Variants in GAPVD1 observed in about 807,000 individuals in gnomAD.
GAPVD1 encodes GTPase activating protein and VPS9 domains 1, also known as GTPase-activating protein and VPS9 domain-containing protein 1.
A neutral mutation model predicts 155.5 loss-of-function variants in GAPVD1; 35 were observed. The observed-to-expected ratio is 0.23, with a 90% CI of 0.17 to 0.30. GAPVD1 has a LOEUF of 0.30. GAPVD1 is among the 10% of genes least tolerant of loss of function. The probability of loss-of-function intolerance (pLI) is 1.00; values close to 1 mark genes in which losing one functional copy is unlikely to be tolerated. For missense variants in GAPVD1, 1,429 were observed against 1,775.7 expected (o/e 0.80, Z 3.51); for synonymous variants, 636 against 619.7 (o/e 1.03, Z -0.39).
At chr9:125,307,965 T>C (rs1251133442) in intron 8 of GAPVD1, 85 bp downstream of exon 8, 12 of 922,454 alleles carry the variant, frequency 1.3e-5, no homozygotes, top group African/African-American at 8.2e-5. Context: ...TTGGAACATA[T>C]GTTTAAGTAC....
intron 6 of GAPVD1, 145 bp from the exon 7 acceptor site, chr9:125,307,268 C>CA (rs34896429): frequency 0.18 from 79,109 of 449,148 alleles, 583 homozygotes; most frequent in Non-Finnish European, 0.18. Flanking sequence ...AACTTTGTCT[C>CA]AAAAAAAAAA....
intron 24 of GAPVD1, among the ~76,000 whole-genome samples, 155 bp from the exon 25 acceptor site, chr9:125,355,485 CTACA>C (rs1849937794): frequency 6.6e-6 from 1 of 152,154 alleles, no homozygotes; most frequent in Admixed American, 6.5e-5. Context: ...AATTATATGG[CTACA>C]TATTGTCCTA....
chr9:125,302,861 A>C, intron 5 of GAPVD1, 35 bp downstream of exon 5: 1 of 1,547,762 alleles, frequency 6.5e-7, no homozygotes, highest in Non-Finnish European at 8.7e-7. Context: ...CGTGGCATTT[A>C]GTTTAAAATT....
chr9:125,355,528 T>C, intron 24 of GAPVD1, 116 bp from the exon 25 acceptor site: 4 of 662,262 alleles, frequency 6.0e-6, no homozygotes. Context: ...CACTTTTGGC[T>C]TTAAGATCAT....
In GAPVD1 at chr9:125,341,097, A is replaced by G. The variant is rs928016698; in HGVS notation, c.2878-80A>G. On this transcript the variant is annotated intron_variant, in intron 17 of 27. Transcript: ENST00000297933. Reference sequence around the variant, plus strand: ...GAGATCCTATCTCAAAACAAAACAAAAACAAACAAAAAGAAATCCTTTTCT... The same window carrying G: ...GAGATCCTATCTCAAAACAAAACAAGAACAAACAAAAAGAAATCCTTTTCT... The G allele has an allele frequency of 3.6e-6, 3 of 832,902 alleles. No homozygotes were observed. In the Admixed American group the frequency reaches 5.2e-5, roughly 15 times the overall value. 51.6% of individuals were successfully genotyped at this position (832,902 alleles called of 1,614,324 possible).
intron 9 of GAPVD1, among the ~76,000 whole-genome samples, chr9:125,312,845 A>G (rs1842847486): frequency 6.6e-6 from 1 of 151,854 alleles, no homozygotes; most frequent in South Asian, 2.1e-4. Context: ...TTTGAGATGG[A>G]GTGTCACTCT....
At chr9:125,315,388 A>G (rs1411700048) in intron 9 of GAPVD1, among the ~76,000 whole-genome samples, 1 of 152,258 alleles carries the variant, frequency 6.6e-6, no homozygotes, top group Non-Finnish European at 1.5e-5. Context: ...AATTTTGTTA[A>G]GAGAGCTCTG....
intron 12 of GAPVD1, among the ~76,000 whole-genome samples, chr9:125,328,203 TTTA>T (rs1473845851): frequency 6.7e-6 from 1 of 149,758 alleles, no homozygotes; most frequent in African/African-American, 2.5e-5. Flanking sequence ...TTTTTTTTTT[TTTA>T]AATTTATTTT....
chr9:125,330,049 T>A, intron 12 of GAPVD1, 29 bp from the exon 13 acceptor site: 2 of 1,560,992 alleles, frequency 1.3e-6, no homozygotes, highest in Non-Finnish European at 1.7e-6. Context: ...GGATCTTTGT[T>A]AACCCTTTGC....
At chr9:125,342,176 C>A in intron 18 of GAPVD1, 43 bp from the exon 19 acceptor site, 2 of 935,900 alleles carry the variant, frequency 2.1e-6, no homozygotes, top group South Asian at 1.3e-5. Flanking sequence ...CCGAGTAGTG[C>A]AGTATGTTAT....
intron 9 of GAPVD1, among the ~76,000 whole-genome samples, chr9:125,315,247 G>A (rs982717737): frequency 6.6e-6 from 1 of 152,108 alleles, no homozygotes; most frequent in Non-Finnish European, 1.5e-5. Context: ...AACAATCTTC[G>A]AAACTCCATC....
chr9:125,301,074 AT>A (rs201178663), intron 4 of GAPVD1, among the ~76,000 whole-genome samples: 188 of 144,204 alleles, frequency 1.3e-3, no homozygotes, highest in African/African-American at 2.2e-3. Context: ...ACTGTAGCTG[AT>A]TTTTTTTTTT....
Position 125,354,380 on chromosome 9 carries a change from G to C in GAPVD1, c.3570-274G>C, listed in dbSNP as rs200264482. Among the ~76,000 whole-genome samples, 7 of 152,160 alleles carry C rather than the reference G, an allele frequency of 4.6e-5. No homozygotes were observed. In the East Asian group the frequency reaches 9.6e-4, roughly 21 times the overall value. On this transcript the variant is annotated intron_variant, in intron 23 of 27. Coordinates refer to ENST00000297933, the MANE Select transcript of GAPVD1 (RefSeq NM_001282680.3). Reference sequence around the variant, plus strand: ...ATGCAGAGGGGCTTAGTAACATTTAGTGAATTAGGTAACTAAGTCTTCAGC... The same window carrying C: ...ATGCAGAGGGGCTTAGTAACATTTACTGAATTAGGTAACTAAGTCTTCAGC...
intron 12 of GAPVD1, among the ~76,000 whole-genome samples, chr9:125,329,228 A>G (rs1264603294): frequency 1.3e-5 from 2 of 152,162 alleles, no homozygotes; most frequent in Admixed American, 6.5e-5. Context: ...TTTGCGCAAT[A>G]AGCTGTATTT....
chr9:125,330,563 C>T, intron 13 of GAPVD1, among the ~76,000 whole-genome samples: 1 of 152,112 alleles, frequency 6.6e-6, no homozygotes, highest in Non-Finnish European at 1.5e-5. Flanking sequence ...GTGATCTGCC[C>T]ACCTTGGCCT....
chr9:125,358,957 C>T (rs1850516230), intron 25 of GAPVD1, among the ~76,000 whole-genome samples: 1 of 152,212 alleles, frequency 6.6e-6, no homozygotes, highest in East Asian at 1.9e-4. Context: ...GTAGCTTAGG[C>T]AAGCCTTTTC....
At chr9:125,350,928 C>CT in intron 23 of GAPVD1, 56 bp downstream of exon 23, 1 of 1,309,470 alleles carries the variant, frequency 7.6e-7, no homozygotes, top group South Asian at 1.3e-5. Context: ...CAAGTGTTTT[C>CT]TTTTTTATCC....
chr9:125,300,233 G>C (rs1445713933), intron 4 of GAPVD1, among the ~76,000 whole-genome samples: 1 of 145,708 alleles, frequency 6.9e-6, no homozygotes, highest in Non-Finnish European at 1.5e-5. Flanking sequence ...CCAGGCTGGA[G>C]TGCAGTGGCA....
intron 2 of GAPVD1, among the ~76,000 whole-genome samples, chr9:125,279,955 T>G (rs1412964392): frequency 6.7e-6 from 1 of 149,144 alleles, no homozygotes; most frequent in Non-Finnish European, 1.5e-5. Context: ...GAGATGGGGG[T>G]TTCACCATGT....
Sources: gnomAD v4.1 joint callset for allele counts (sites outside exome capture counted in the v4.1 genomes callset) on GRCh38, gnomAD v4.1.1 for gene constraint, MANE v1.5 for transcripts, NCBI Gene and HGNC (gene_info 2026-07-23, HGNC 2026-07-21) for gene names.